CNTNAP2: variants seen among roughly 807,000 people sequenced by gnomAD.
The protein encoded by CNTNAP2 is contactin associated protein 2.
CNTNAP2 carries 98 observed loss-of-function variants against 155.2 expected under a neutral mutation model. The observed-to-expected ratio is 0.63, with a 90% CI of 0.54 to 0.75. The LOEUF is 0.75. Ranked by LOEUF, CNTNAP2 falls within the 30% of genes least tolerant of loss-of-function variation. CNTNAP2 has a pLI of 0.00. For synonymous variants in CNTNAP2, 651 were observed against 631.2 expected, an observed-to-expected ratio of 1.03 and a Z score of -0.47; for missense variants, 1,727 against 1,688.1, an observed-to-expected ratio of 1.02 and a Z score of -0.40.
intron 8 of CNTNAP2, among the ~76,000 whole-genome samples, chr7:147,185,464 G>T (rs1426770497): frequency 1.3e-5 from 2 of 151,874 alleles, no homozygotes; most frequent in African/African-American, 4.8e-5. Context: ...AATAAAACCT[G>T]GAAACAACCA....
intron 1 of CNTNAP2, among the ~76,000 whole-genome samples, chr7:146,463,503 T>C (rs1019740028): frequency 6.6e-6 from 1 of 152,098 alleles, no homozygotes; most frequent in Non-Finnish European, 1.5e-5. Context: ...TGTTCTTAAA[T>C]GTGATTGTGA....
chr7:146,773,669 C>T (rs1290596463), intron 1 of CNTNAP2, among the ~76,000 whole-genome samples: 1 of 152,224 alleles, frequency 6.6e-6, no homozygotes, highest in Non-Finnish European at 1.5e-5. Context: ...GCTGGGATTA[C>T]AGGCATGAGT....
chr7:146,276,762 T>C (rs1800171883), intron 1 of CNTNAP2, among the ~76,000 whole-genome samples: 1 of 152,204 alleles, frequency 6.6e-6, no homozygotes. Context: ...AAGCAGGAAC[T>C]GGCGGCATCC....
chr7:147,476,019 A>G (rs1367144162), intron 10 of CNTNAP2, among the ~76,000 whole-genome samples: 1 of 152,152 alleles, frequency 6.6e-6, no homozygotes, highest in Non-Finnish European at 1.5e-5. Flanking sequence ...TAAATATTTT[A>G]TCTACTATCG....
chr7:146,679,347 C>CTTTTT lies in CNTNAP2; in HGVS notation c.98-94908_98-94904dup, dbSNP rs34541415. Among the ~76,000 whole-genome samples the CTTTTT allele has an allele frequency of 5.1e-3, 550 of 106,918 alleles. 13 individuals carry two copies. Among genetic ancestry groups the CTTTTT allele is most frequent in the African/African-American group, 0.016 (440 of 26,694 alleles). 70.1% of individuals were successfully genotyped at this position (106,918 alleles called of 152,430 possible). On this transcript the variant is annotated intron_variant, in intron 1 of 23. Transcript: ENST00000361727. ...CCATGCAAAGGACATGATCTTGTTT[C>CTTTTT]TTTTTTTTTTTTTTTTTTTTGGAGA...
At chr7:147,468,670 C>G (rs1202419357) in intron 10 of CNTNAP2, among the ~76,000 whole-genome samples, 2 of 152,160 alleles carry the variant, frequency 1.3e-5, no homozygotes, top group Non-Finnish European at 2.9e-5. Context: ...GATAAATAAT[C>G]TAAAACTCAC....
chr7:147,337,495 T>C (rs964816570), intron 9 of CNTNAP2, among the ~76,000 whole-genome samples: 3 of 152,134 alleles, frequency 2.0e-5, no homozygotes, highest in African/African-American at 7.2e-5. Context: ...AAAGGGGCCA[T>C]ATGGGGACCT....
chr7:147,268,665 T>A (rs1804671154), intron 8 of CNTNAP2, among the ~76,000 whole-genome samples: 1 of 152,004 alleles, frequency 6.6e-6, no homozygotes, highest in Non-Finnish European at 1.5e-5. Flanking sequence ...ATTATAATGA[T>A]AATAAAAAAA....
At chr7:147,424,006 G>A (rs568616612) in intron 10 of CNTNAP2, among the ~76,000 whole-genome samples, 2 of 152,188 alleles carry the variant, frequency 1.3e-5, no homozygotes, top group South Asian at 4.2e-4. Context: ...CATCTCCCTG[G>A]GGGGAAGAAT....
intron 8 of CNTNAP2, among the ~76,000 whole-genome samples, chr7:147,182,820 A>C (rs964213928): frequency 6.6e-6 from 1 of 152,162 alleles, no homozygotes; most frequent in Non-Finnish European, 1.5e-5. Context: ...GAATAGTTTT[A>C]ATGCTTGTGA....
At position 146,690,407 on chromosome 7, in the gene CNTNAP2, T is replaced by C. The variant is rs192970761; in HGVS notation, c.98-83864T>C. ...ACAGGGACTTCATTCCCCTGTGTTC[T>C]GACCAGTTGGAGCTCCCAAAATGCC... On this transcript the variant is annotated intron_variant, in intron 1 of 23. Transcript: ENST00000361727. Among the ~76,000 whole-genome samples, 27 of 152,294 alleles carry C rather than the reference T, an allele frequency of 1.8e-4. No individual in the cohort carries two copies. In the East Asian group the frequency reaches 5.2e-3, roughly 29 times the overall value.
chr7:146,710,674 CTTAT>C (rs1039853921), intron 1 of CNTNAP2, among the ~76,000 whole-genome samples: 12 of 152,076 alleles, frequency 7.9e-5, no homozygotes, highest in African/African-American at 2.9e-4. Context: ...GTTCTCCTCT[CTTAT>C]TTAGTCTTTT....
intron 1 of CNTNAP2, among the ~76,000 whole-genome samples, chr7:146,736,698 G>A (rs1035892411): frequency 1.3e-5 from 2 of 152,186 alleles, no homozygotes; most frequent in Non-Finnish European, 2.9e-5. Context: ...GCATGGTTGC[G>A]GGTCTACGGA....
intron 21 of CNTNAP2, among the ~76,000 whole-genome samples, chr7:148,325,224 C>T (rs1797866685): frequency 2.0e-5 from 3 of 152,206 alleles, no homozygotes; most frequent in Admixed American, 6.5e-5. Flanking sequence ...CAAATTTAAG[C>T]ATCTTTTCAC....
At chr7:147,201,424 T>C (rs1802918890) in intron 8 of CNTNAP2, among the ~76,000 whole-genome samples, 1 of 152,182 alleles carries the variant, frequency 6.6e-6, no homozygotes, top group Non-Finnish European at 1.5e-5. Flanking sequence ...TAAGAAAAGC[T>C]CTTTTTTATT....
intron 1 of CNTNAP2, among the ~76,000 whole-genome samples, chr7:146,652,462 A>G (rs1799932171): frequency 6.6e-6 from 1 of 152,146 alleles, no homozygotes; most frequent in South Asian, 2.1e-4. Flanking sequence ...ACTTTGAACA[A>G]GAGATTTTTG....
At chr7:147,510,969 T>G (rs1268766244) in intron 11 of CNTNAP2, among the ~76,000 whole-genome samples, 1 of 150,552 alleles carries the variant, frequency 6.6e-6, no homozygotes, top group African/African-American at 2.5e-5. Flanking sequence ...GTTTTTTGCT[T>G]TGTTTCCTCT....
intron 2 of CNTNAP2, among the ~76,000 whole-genome samples, chr7:146,775,250 T>C (rs1378237516): frequency 6.6e-6 from 1 of 152,160 alleles, no homozygotes. Context: ...TTGTGTAGCA[T>C]GGTGACTATA....
intron 11 of CNTNAP2, among the ~76,000 whole-genome samples, chr7:147,560,125 G>A (rs1317197424): frequency 1.7e-4 from 22 of 127,888 alleles, no homozygotes; most frequent in African/African-American, 4.0e-4. Context: ...CCGAGATCGC[G>A]CCATTGCATT....
Sources: allele counts gnomAD v4.1 joint callset (sites outside exome capture counted in the v4.1 genomes callset), GRCh38; gene constraint gnomAD v4.1.1; transcripts MANE v1.5; gene names NCBI Gene and HGNC (gene_info 2026-07-23, HGNC 2026-07-21).